The following IRF2 variants were observed in gnomAD, a reference collection of about 807,000 sequenced individuals.
IRF2 encodes interferon regulatory factor 2.
Under a neutral mutation model 40.6 loss-of-function variants are expected in IRF2, and 15 were observed. The observed-to-expected ratio is 0.37, with a 90% CI of 0.25 to 0.57. The LOEUF (loss-of-function observed/expected upper bound fraction) is 0.57. Among genes scored for constraint, IRF2 ranks in the 20% least tolerant of loss-of-function variants. The pLI is 0.77. For synonymous variants in IRF2, 151 were observed against 165.5 expected, an observed-to-expected ratio of 0.91 and a Z score of 0.67; for missense variants, 317 against 455.7, an observed-to-expected ratio of 0.70 and a Z score of 2.77.
intron 6 of IRF2, among the ~76,000 whole-genome samples, chr4:184,399,684 G>A (rs533693698): frequency 1.3e-5 from 2 of 152,262 alleles, no homozygotes; most frequent in East Asian, 1.9e-4. Context: ...CTCTGCTTAC[G>A]CTCCCAGCTC....
chr4:184,407,339 A>AGGAG, intron 6 of IRF2: 1 of 1,000,904 alleles, frequency 1.0e-6, no homozygotes, highest in Non-Finnish European at 1.3e-6. Flanking sequence ...CTTAAAGGGA[A>AGGAG]AGCAGGCTGA....
chr4:184,418,195 T>C lies in IRF2; in HGVS notation c.383A>G (p.Glu128Gly). Residue 128 changes from glutamate to glycine, a missense_variant, in exon 5 of 9, where the codon GAA (glutamate) becomes GGA (glycine). Glu to Gly is a moderately conservative substitution (Grantham distance 98, BLOSUM62 -2). Transcript: ENST00000393593. ...PSKKGKKPKTEKEDKVKHIKQ... is the reference protein window; with the variant it reads ...PSKKGKKPKTGKEDKVKHIKQ... ...GATGTGCTTAACTTTGTCTTCTTTT[T>C]CTGTCTTTGGTTTCTTTCCTGTGGC... The C allele has an allele frequency of 6.2e-7, 1 of 1,614,036 alleles. No individual in the cohort carries two copies. Among genetic ancestry groups the C allele is most frequent in the Middle Eastern group, 1.6e-4 (1 of 6,062 alleles).
rs116134226 is a variant in IRF2 at position 184,403,028 on chromosome 4, C to G, written c.530-3949G>C. 4.1e-3 allele frequency among the ~76,000 whole-genome samples: 618 copies of G among 152,292 alleles called. 5 individuals are homozygous for G. The highest frequency in any genetic ancestry group is 0.014 in the African/African-American group (594 of 41,558). Reference sequence around the variant, plus strand: ...CAGGAGAGAAAAGTCAGTCTGTTTTCTGGGCTATGATCTGGATACCAAGTT... The same window carrying G: ...CAGGAGAGAAAAGTCAGTCTGTTTTGTGGGCTATGATCTGGATACCAAGTT... On this transcript the variant is annotated intron_variant, in intron 6 of 8. Transcript: ENST00000393593.
chr4:184,470,956 A>G (rs1739494409), intron 1 of IRF2, among the ~76,000 whole-genome samples: 1 of 152,010 alleles, frequency 6.6e-6, no homozygotes, highest in South Asian at 2.1e-4. Context: ...CACTGACAAT[A>G]TCGGATTCCA....
rs1035596689 is a variant in IRF2 at position 184,413,331 on chromosome 4, C to T, written c.411+4836G>A. ...CTCTTCCAACTGGGTTCGGAGCTCC[C>T]GTTCTGAGCTACCACATGGGAAGGG... On this transcript the variant is annotated intron_variant, in intron 5 of 8. Coordinates refer to ENST00000393593, the MANE Select transcript of IRF2 (RefSeq NM_002199.4). The surrounding 1 kb of genome is among the most constrained non-coding windows in gnomAD (Gnocchi z 4.2). Among the ~76,000 whole-genome samples, 7 of 152,190 alleles carry T rather than the reference C, an allele frequency of 4.6e-5. No homozygotes were observed. Among genetic ancestry groups the T allele is most frequent in the African/African-American group, 1.4e-4 (6 of 41,446 alleles).
intron 1 of IRF2, among the ~76,000 whole-genome samples, chr4:184,461,715 C>T (rs1041067677): frequency 8.6e-5 from 13 of 150,766 alleles, no homozygotes; most frequent in African/African-American, 3.2e-4. Flanking sequence ...CCCCAACCCC[C>T]ATCTCCCAAA....
chr4:184,458,644 T>C (rs1439660198), intron 1 of IRF2, among the ~76,000 whole-genome samples: 1 of 152,228 alleles, frequency 6.6e-6, no homozygotes, highest in Non-Finnish European at 1.5e-5. Flanking sequence ...ACATATATTA[T>C]TTCTCTGTTT....
At chr4:184,464,280 G>C (rs1475581188) in intron 1 of IRF2, among the ~76,000 whole-genome samples, 5 of 151,616 alleles carry the variant, frequency 3.3e-5, no homozygotes, top group Non-Finnish European at 4.4e-5. Context: ...AGGATATGAA[G>C]ATGGAGACTG....
chr4:184,422,836 G>A (rs1242727889), intron 2 of IRF2, among the ~76,000 whole-genome samples: 2 of 152,190 alleles, frequency 1.3e-5, no homozygotes, highest in Non-Finnish European at 2.9e-5. Context: ...TGATTAATGG[G>A]TACAGCATTT....
chr4:184,467,370 T>A (rs1579119938), intron 1 of IRF2, among the ~76,000 whole-genome samples: 1 of 152,076 alleles, frequency 6.6e-6, no homozygotes, highest in Non-Finnish European at 1.5e-5. Flanking sequence ...CATCACCCCA[T>A]CCCCCAACTC....
Position 184,413,535 on chromosome 4 carries a change from C to T in IRF2, c.411+4632G>A, listed in dbSNP as rs1279082413. ...AGTAGCAGCCCTGCCAGGGAGTGTG[C>T]TGTGTTTTAATCCAGCTCAGGTCAC... On this transcript the variant is annotated intron_variant, in intron 5 of 8. Transcript: ENST00000393593. This position sits in a 1 kb window ranked among gnomAD's most constrained non-coding sequence, Gnocchi z 4.2. Among the ~76,000 whole-genome samples the T allele has an allele frequency of 6.6e-6, 1 of 152,204 alleles. No homozygotes were observed. Among genetic ancestry groups the T allele is most frequent in the Non-Finnish European group, 1.5e-5 (1 of 68,032 alleles).
At chr4:184,472,963 G>C (rs1170536846) in intron 1 of IRF2, among the ~76,000 whole-genome samples, 1 of 152,170 alleles carries the variant, frequency 6.6e-6, no homozygotes, top group African/African-American at 2.4e-5. Flanking sequence ...AAGGGGAGAC[G>C]CCGGCGCGTG....
intron 1 of IRF2, among the ~76,000 whole-genome samples, chr4:184,459,472 G>A (rs924476264): frequency 6.6e-6 from 1 of 152,088 alleles, no homozygotes; most frequent in African/African-American, 2.4e-5. Flanking sequence ...TTACCCATGC[G>A]CTCTGATTTA....
intron 8 of IRF2, among the ~76,000 whole-genome samples, chr4:184,390,459 C>A (rs1736216853): frequency 6.6e-6 from 1 of 152,208 alleles, no homozygotes; most frequent in African/African-American, 2.4e-5. Flanking sequence ...CCTGCTATCA[C>A]AGCTTCTCTA....
At chr4:184,452,131 C>A (rs1029516734) in intron 1 of IRF2, among the ~76,000 whole-genome samples, 1 of 152,146 alleles carries the variant, frequency 6.6e-6, no homozygotes, top group Non-Finnish European at 1.5e-5. Context: ...ATGTAGGGAC[C>A]CAGGCCAGGC....
chr4:184,428,529 G>A lies in IRF2; in HGVS notation c.87+449C>T, dbSNP rs1579847337. 8.6e-6 allele frequency: 3 copies of A among 350,432 alleles called. No homozygotes were observed. In the East Asian group the frequency reaches 2.3e-4, roughly 27 times the overall value. The allele number at this position is 350,432 out of a possible 1,614,324, so 21.7% of individuals were successfully genotyped here. A position where few individuals can be genotyped will look rare whatever the true frequency, so the allele number is the denominator to read the frequency against. ...AAATCCTTTTGTGACCGGGTTCAGT[G>A]GCTCATGCCTGTAATCCCCACACTT... On this transcript the variant is annotated intron_variant, in intron 2 of 8. Transcript: ENST00000393593.
chr4:184,399,118 C>A, intron 6 of IRF2, 39 bp from the exon 7 acceptor site: 1 of 1,542,640 alleles, frequency 6.5e-7, no homozygotes. Context: ...AGTCTGCTGA[C>A]CTCACAATTC....
chr4:184,445,517 T>C (rs1165648182), intron 1 of IRF2, among the ~76,000 whole-genome samples: 1 of 152,080 alleles, frequency 6.6e-6, no homozygotes, highest in Non-Finnish European at 1.5e-5. Context: ...TAGCTGGGCA[T>C]GGTGGTGTGT....
intron 1 of IRF2, among the ~76,000 whole-genome samples, chr4:184,455,483 A>T (rs1163951597): frequency 4.0e-5 from 6 of 151,340 alleles, no homozygotes; most frequent in African/African-American, 1.5e-4. Context: ...TTACAGCTTC[A>T]GGTACTTGGC....
Sources: allele counts gnomAD v4.1 joint callset (sites outside exome capture counted in the v4.1 genomes callset), GRCh38; gene constraint gnomAD v4.1.1; non-coding constraint Gnocchi (gnomAD v3.1); transcripts MANE v1.5; gene names NCBI Gene and HGNC (gene_info 2026-07-23, HGNC 2026-07-21).